Variants in SLCO4C1 observed in about 807,000 individuals in gnomAD.
SLCO4C1 encodes organic anion transporter M1.
SLCO4C1 carries 58 observed loss-of-function variants against 72.1 expected under a neutral mutation model. The ratio of observed to expected loss-of-function variants is 0.80; its 90% CI spans 0.65 to 1.00. The LOEUF (loss-of-function observed/expected upper bound fraction) is 1.00. Ranked by LOEUF, SLCO4C1 falls within the 50% of genes least tolerant of loss-of-function variation. The probability of loss-of-function intolerance (pLI) is 0.00; values close to 1 mark genes in which losing one functional copy is unlikely to be tolerated. For synonymous variants in SLCO4C1, 297 were observed against 312.5 expected, an observed-to-expected ratio of 0.95 and a Z score of 0.52; for missense variants, 898 against 857.9, an observed-to-expected ratio of 1.05 and a Z score of -0.58.
chr5:102,249,856 T>G (rs1044995327), intron 8 of SLCO4C1, 68 bp from the exon 9 acceptor site: 43 of 1,481,076 alleles, frequency 2.9e-5, no homozygotes, highest in Middle Eastern at 3.5e-4. Context: ...TTCGAAGCAC[T>G]GTTATATCTT....
chr5:102,258,035 T>C lies in SLCO4C1; in HGVS notation c.1181A>G (p.Glu394Gly), dbSNP rs762062183. 1 of 1,604,068 alleles carries C rather than the reference T, an allele frequency of 6.2e-7. No individual in the cohort carries two copies. Among genetic ancestry groups the C allele is most frequent in the Non-Finnish European group, 8.5e-7 (1 of 1,176,878 alleles). Residue 394 changes from glutamate (E) to glycine (G), a missense_variant, in exon 7 of 13, where the codon GAA (glutamate) becomes GGA (glycine). Physicochemically the swap from Glu to Gly is moderately conservative, Grantham distance 98. Transcript: ENST00000310954. ...FMCLVLSTSS[E>G]ALITTGFATF... ...AGCAAATCCAGTAGTAATTAAGGCT[T>C]CTGAAGAAGTTGATAGAACTAAACA...
rs776288094 is a variant in SLCO4C1 at position 102,258,093 on chromosome 5, GA to G, written c.1129-7del. The G allele has an allele frequency of 1.1e-5, 17 of 1,532,040 alleles. No individual in the cohort carries two copies. The highest frequency in any genetic ancestry group is 4.4e-4 in the Middle Eastern group (2 of 4,584). The allele number at this position is 1,532,040 out of a possible 1,614,324, so 94.9% of individuals were successfully genotyped here. A position where few individuals can be genotyped will look rare whatever the true frequency, so the allele number is the denominator to read the frequency against. On this transcript the variant is annotated splice_polypyrimidine_tract_variant and splice_region_variant and intron_variant, in intron 6 of 12. Coordinates refer to ENST00000310954, the MANE Select transcript of SLCO4C1 (RefSeq NM_180991.5). Reference sequence around the variant, plus strand: ...ACAGCATTCTTCATCAAATTCTAAAGAAAAAAATACAGTTCCTCAAATGAAT... The same window carrying G: ...ACAGCATTCTTCATCAAATTCTAAAGAAAAAATACAGTTCCTCAAATGAAT...
At chr5:102,286,644 T>A (rs1268203053) in intron 2 of SLCO4C1, among the ~76,000 whole-genome samples, 1 of 152,122 alleles carries the variant, frequency 6.6e-6, no homozygotes, top group Non-Finnish European at 1.5e-5. Flanking sequence ...CTCTTAATTT[T>A]AATACTACCT....
chr5:102,260,112 A>T, intron 6 of SLCO4C1, 101 bp downstream of exon 6: 1 of 276,066 alleles, frequency 3.6e-6, no homozygotes, highest in Non-Finnish European at 6.8e-6. Context: ...GTGTATATAT[A>T]ATATATAAAC....
chr5:102,244,038 T>C (rs1227740466), intron 10 of SLCO4C1, among the ~76,000 whole-genome samples: 1 of 151,970 alleles, frequency 6.6e-6, no homozygotes, highest in Non-Finnish European at 1.5e-5. Context: ...AATACAAAAA[T>C]TAGCTGGGCA....
At chr5:102,245,390 G>A (rs1161030679) in intron 10 of SLCO4C1, among the ~76,000 whole-genome samples, 2 of 152,008 alleles carry the variant, frequency 1.3e-5, no homozygotes, top group African/African-American at 2.4e-5. Flanking sequence ...GAGAATAGGA[G>A]TCACTATACC....
Position 102,263,668 on chromosome 5 carries a change from A to G in SLCO4C1, c.899+16T>C, listed in dbSNP as rs778700104. ...TAAAATGACTTTAAATAAAAGAAAAATAGATACTGCCTTGCCTTTCTCCCA... is the reference window on the plus strand; with the variant it reads ...TAAAATGACTTTAAATAAAAGAAAAGTAGATACTGCCTTGCCTTTCTCCCA... On this transcript the variant is annotated intron_variant, in intron 4 of 12. Transcript: ENST00000310954. 1.9e-6 allele frequency: 3 copies of G among 1,597,108 alleles called. No homozygotes were observed. In the South Asian group the frequency reaches 3.4e-5, roughly 18 times the overall value.
At chr5:102,259,682 G>T (rs971539459) in intron 6 of SLCO4C1, among the ~76,000 whole-genome samples, 2 of 151,858 alleles carry the variant, frequency 1.3e-5, no homozygotes, top group East Asian at 1.9e-4. Context: ...CTTTAGCCTC[G>T]AATTCAAAAG....
intron 2 of SLCO4C1, among the ~76,000 whole-genome samples, chr5:102,276,086 G>A (rs778940709): frequency 5.9e-5 from 9 of 152,126 alleles, no homozygotes; most frequent in Non-Finnish European, 1.0e-4. Context: ...ACTCCTATTA[G>A]CTAACCCAAC....
At chr5:102,267,416 T>C (rs1045118211) in intron 3 of SLCO4C1, among the ~76,000 whole-genome samples, 3 of 152,118 alleles carry the variant, frequency 2.0e-5, no homozygotes, top group Admixed American at 2.0e-4. Flanking sequence ...TGGATGTATT[T>C]GTTAGTAAGA....
intron 2 of SLCO4C1, among the ~76,000 whole-genome samples, 177 bp from the exon 3 acceptor site, chr5:102,270,983 C>T (rs1245556065): frequency 6.6e-6 from 1 of 152,140 alleles, no homozygotes; most frequent in Non-Finnish European, 1.5e-5. Flanking sequence ...TTACCCCAGC[C>T]TGCCCTCACT....
At chr5:102,242,569 C>T (rs1187253076) in intron 10 of SLCO4C1, among the ~76,000 whole-genome samples, 1 of 152,068 alleles carries the variant, frequency 6.6e-6, no homozygotes, top group Non-Finnish European at 1.5e-5. Context: ...GCCTTAGGTC[C>T]CAGAAAATAT....
At chr5:102,275,438 A>C (rs1374633728) in intron 2 of SLCO4C1, among the ~76,000 whole-genome samples, 1 of 152,214 alleles carries the variant, frequency 6.6e-6, no homozygotes, top group Non-Finnish European at 1.5e-5. Flanking sequence ...TTAAATATAT[A>C]ATTTAAAGAA....
chr5:102,291,019 A>G (rs751101629), intron 2 of SLCO4C1, among the ~76,000 whole-genome samples: 22 of 152,188 alleles, frequency 1.4e-4, no homozygotes, highest in Non-Finnish European at 2.6e-4. Context: ...AAAAGTACAA[A>G]AGGGAAAAAC....
chr5:102,261,783 A>T, intron 5 of SLCO4C1, 129 bp downstream of exon 5: 1 of 905,526 alleles, frequency 1.1e-6, no homozygotes, highest in Middle Eastern at 3.2e-4. Flanking sequence ...TCAAAAGTTT[A>T]CATAGGCAGA....
chr5:102,247,471 A>C, intron 9 of SLCO4C1, 29 bp from the exon 10 acceptor site: 1 of 1,376,850 alleles, frequency 7.3e-7, no homozygotes, highest in Non-Finnish European at 9.9e-7. Context: ...AAAACAATGA[A>C]AGTGATCATT....
intron 2 of SLCO4C1, among the ~76,000 whole-genome samples, chr5:102,279,721 C>A (rs1217954730): frequency 2.6e-5 from 4 of 151,914 alleles, no homozygotes; most frequent in Non-Finnish European, 4.4e-5. Context: ...GAATTGTACA[C>A]CATTGCCAGG....
intron 2 of SLCO4C1, among the ~76,000 whole-genome samples, chr5:102,283,348 G>A (rs990991988): frequency 6.6e-6 from 1 of 152,056 alleles, no homozygotes; most frequent in East Asian, 1.9e-4. Context: ...CAGGATCACT[G>A]TAGTTCTATC....
Position 102,240,753 on chromosome 5 carries a change from G to A in SLCO4C1, c.1841C>T (p.Ala614Val), listed in dbSNP as rs1275660292. 2 of 1,611,756 alleles carry A rather than the reference G, an allele frequency of 1.2e-6. No individual in the cohort carries two copies. The highest frequency in any genetic ancestry group is 2.2e-5 in the East Asian group (1 of 44,714). ...RCVNHRQRSLALGIQFMVLRL... is the reference protein window; with the variant it reads ...RCVNHRQRSLVLGIQFMVLRL... ...AAGGACCATAAATTGTATTCCCAAGGCTAGGGACCGTTGTCTGTGATTAAC... is the reference window on the plus strand; with the variant it reads ...AAGGACCATAAATTGTATTCCCAAGACTAGGGACCGTTGTCTGTGATTAAC... The change falls in exon 11 of 13, where the codon GCC becomes GTC. Residue 614 changes from alanine to valine, a missense_variant. Transcript: ENST00000310954.
Sources: gnomAD v4.1 joint callset for allele counts (sites outside exome capture counted in the v4.1 genomes callset) on GRCh38, gnomAD v4.1.1 for gene constraint, MANE v1.5 for transcripts, NCBI Gene and HGNC (gene_info 2026-07-23, HGNC 2026-07-21) for gene names.